Variants in TFCP2 observed in about 807,000 individuals in gnomAD.
The protein encoded by TFCP2 is transcription factor CP2.
Under a neutral mutation model 73.4 loss-of-function variants are expected in TFCP2, and 33 were observed. The observed-to-expected ratio is 0.45, with a 90% confidence interval of 0.34 to 0.60. The LOEUF (loss-of-function observed/expected upper bound fraction) is 0.60. TFCP2 is among the 20% of genes least tolerant of loss of function. The probability of loss-of-function intolerance (pLI) is 0.01; values close to 1 mark genes in which losing one functional copy is unlikely to be tolerated. For missense variants in TFCP2, 352 were observed against 604.0 expected (o/e 0.58, Z 4.37); for synonymous variants, 193 against 211.6 (o/e 0.91, Z 0.76).
intron 8 of TFCP2, 69 bp from the exon 9 acceptor site, chr12:51,104,272 G>C: frequency 7.5e-7 from 1 of 1,340,830 alleles, no homozygotes; most frequent in Non-Finnish European, 1.0e-6. Context: ...TCATTCCTCA[G>C]CTTCACAATA....
chr12:51,115,964 G>A (rs1282883708), intron 4 of TFCP2, among the ~76,000 whole-genome samples: 1 of 152,156 alleles, frequency 6.6e-6, no homozygotes, highest in Non-Finnish European at 1.5e-5. Context: ...TCTGGAGATG[G>A]ATGATAGTGA....
intron 1 of TFCP2, among the ~76,000 whole-genome samples, chr12:51,162,233 G>T (rs1941664695): frequency 6.6e-6 from 1 of 152,046 alleles, no homozygotes; most frequent in Non-Finnish European, 1.5e-5. Flanking sequence ...ATCACCTGAG[G>T]TCAGGAGTTC....
At chr12:51,111,574 G>A (rs550479313) in intron 4 of TFCP2, among the ~76,000 whole-genome samples, 1 of 152,168 alleles carries the variant, frequency 6.6e-6, no homozygotes, top group East Asian at 1.9e-4. Context: ...AAAATTATTT[G>A]GCCAGGCACG....
Position 51,095,053 on chromosome 12 carries a change from T to G in TFCP2, c.*188A>C, listed in dbSNP as rs1387741902. On this transcript the variant is annotated 3_prime_UTR_variant, in exon 15 of 15. Coordinates refer to ENST00000257915, the MANE Select transcript of TFCP2 (RefSeq NM_005653.5). Reference sequence around the variant, plus strand: ...GAACTGCATATTGGGCAGTAATCTGTGTGTACCACAAGAGCTTGGGCCAAC... The same window carrying G: ...GAACTGCATATTGGGCAGTAATCTGGGTGTACCACAAGAGCTTGGGCCAAC... 5.9e-6 allele frequency: 4 copies of G among 677,174 alleles called. No homozygotes were observed. The Admixed American group carries it at 9.2e-5, about 16-fold the overall frequency. The allele number at this position is 677,174 out of a possible 1,614,324, so 41.9% of individuals were successfully genotyped here.
At chr12:51,141,175 T>C (rs1293542785) in intron 1 of TFCP2, among the ~76,000 whole-genome samples, 1 of 151,002 alleles carries the variant, frequency 6.6e-6, no homozygotes, top group African/African-American at 2.4e-5. Flanking sequence ...TAAGCAATCC[T>C]CTCACCTCAG....
intron 1 of TFCP2, among the ~76,000 whole-genome samples, chr12:51,148,699 C>CAAAA (rs140565414): frequency 1.4e-4 from 14 of 100,150 alleles, no homozygotes; most frequent in Admixed American, 4.6e-4. Flanking sequence ...GACTCTGTCT[C>CAAAA]AAAAAAAAAA....
At chr12:51,137,406 G>C (rs1291365379) in intron 1 of TFCP2, among the ~76,000 whole-genome samples, 1 of 151,942 alleles carries the variant, frequency 6.6e-6, no homozygotes, top group Non-Finnish European at 1.5e-5. Context: ...AAAAGTATCT[G>C]TGTCAGATAC....
intron 1 of TFCP2, among the ~76,000 whole-genome samples, chr12:51,150,588 A>C (rs1373235742): frequency 1.3e-5 from 2 of 152,178 alleles, no homozygotes; most frequent in Non-Finnish European, 2.9e-5. Context: ...AAGAACAGTA[A>C]CAACTGACCA....
intron 1 of TFCP2, among the ~76,000 whole-genome samples, chr12:51,143,008 A>C (rs902847132): frequency 6.6e-6 from 1 of 151,702 alleles, no homozygotes; most frequent in African/African-American, 2.4e-5. Flanking sequence ...CTCTTACCTG[A>C]TTTTCTTCCT....
chr12:51,106,728 C>T, intron 7 of TFCP2, 115 bp from the exon 8 acceptor site: 1 of 792,622 alleles, frequency 1.3e-6, no homozygotes, highest in Non-Finnish European at 2.1e-6. Context: ...TCCTCAGAGA[C>T]TCCCATAAGC....
intron 1 of TFCP2, among the ~76,000 whole-genome samples, chr12:51,132,329 G>A (rs1287557608): frequency 1.5e-5 from 2 of 129,658 alleles, no homozygotes; most frequent in African/African-American, 5.7e-5. Context: ...AGAATTAGCA[G>A]TGTGCAAGTT....
At chr12:51,131,005 G>A (rs753241223) in intron 1 of TFCP2, among the ~76,000 whole-genome samples, 171 of 150,216 alleles carry the variant, frequency 1.1e-3, no homozygotes, top group Non-Finnish European at 2.1e-3. Flanking sequence ...AAAATTATTT[G>A]TACATTTGTG....
At chr12:51,136,907 T>G (rs1433209255) in intron 1 of TFCP2, among the ~76,000 whole-genome samples, 1 of 152,172 alleles carries the variant, frequency 6.6e-6, no homozygotes, top group Non-Finnish European at 1.5e-5. Flanking sequence ...ACTATGCCAC[T>G]GCATTTCAGC....
chr12:51,157,681 CTTTTCTTTTTTT>C (rs1941566708), intron 1 of TFCP2, among the ~76,000 whole-genome samples: 1 of 77,288 alleles, frequency 1.3e-5, no homozygotes, highest in Non-Finnish European at 2.5e-5. Context: ...TTTTTCTTTT[CTTTTCTTTTTTT>C]TTTTTTTTTT....
chr12:51,110,612 T>C (rs529384974), intron 5 of TFCP2, among the ~76,000 whole-genome samples: 9 of 152,254 alleles, frequency 5.9e-5, no homozygotes, highest in Admixed American at 3.3e-4. Flanking sequence ...ATAATTGTTA[T>C]GTAAATTATG....
At chr12:51,107,482 A>T in intron 6 of TFCP2, 136 bp from the exon 7 acceptor site, 1 of 686,116 alleles carries the variant, frequency 1.5e-6, no homozygotes, top group Non-Finnish European at 2.5e-6. Context: ...CATCACTTTA[A>T]GTTTGAAAAT....
intron 13 of TFCP2, among the ~76,000 whole-genome samples, chr12:51,098,255 C>T (rs573345628): frequency 6.6e-6 from 1 of 152,094 alleles, no homozygotes; most frequent in Non-Finnish European, 1.5e-5. Flanking sequence ...CCAGAAATGA[C>T]ATCTTTTACA....
At chr12:51,114,520 G>A (rs374817146) in intron 4 of TFCP2, among the ~76,000 whole-genome samples, 13 of 151,864 alleles carry the variant, frequency 8.6e-5, no homozygotes, top group East Asian at 5.8e-4. Context: ...CAGGAAAATC[G>A]CTTGAACCCG....
intron 1 of TFCP2, among the ~76,000 whole-genome samples, chr12:51,154,938 T>C (rs1456817612): frequency 6.6e-6 from 1 of 152,204 alleles, no homozygotes; most frequent in African/African-American, 2.4e-5. Flanking sequence ...GCATGATTTC[T>C]GACTGTATCT....
Sources: allele counts gnomAD v4.1 joint callset (sites outside exome capture counted in the v4.1 genomes callset), GRCh38; gene constraint gnomAD v4.1.1; transcripts MANE v1.5; gene names NCBI Gene and HGNC (gene_info 2026-07-23, HGNC 2026-07-21).